The following ZNF529 variants were observed in gnomAD, a reference collection of about 807,000 sequenced individuals.
ZNF529 encodes the protein zinc finger protein 529.
Under a neutral mutation model 10.1 loss-of-function variants are expected in ZNF529, and 11 were observed. The observed-to-expected ratio is 1.09, with a 90% CI of 0.69 to 1.81. ZNF529 has a LOEUF of 1.81. ZNF529 is among the 40% of genes most tolerant of loss of function. The pLI, the probability that ZNF529 is intolerant of heterozygous loss-of-function variation, is 0.00. For synonymous variants in ZNF529, 204 were observed against 215.7 expected (o/e 0.95, Z 0.47); for missense variants, 624 against 666.8 (o/e 0.94, Z 0.71).
intron 2 of ZNF529, among the ~76,000 whole-genome samples, chr19:36,584,782 G>C (rs935232597): frequency 2.7e-5 from 4 of 147,842 alleles, no homozygotes; most frequent in Admixed American, 6.8e-5. Context: ...AAAAAAAAAA[G>C]AAAGAATGTA....
intron 2 of ZNF529, among the ~76,000 whole-genome samples, chr19:36,566,287 T>C (rs773819328): frequency 1.3e-4 from 20 of 152,196 alleles, no homozygotes; most frequent in Non-Finnish European, 5.9e-5. Flanking sequence ...TATTTGTAAA[T>C]GTAAAATATT....
chr19:36,588,395 T>C (rs1265637104), intron 2 of ZNF529, among the ~76,000 whole-genome samples: 9 of 152,188 alleles, frequency 5.9e-5, no homozygotes, highest in Admixed American at 5.9e-4. Context: ...CACTCCCTGC[T>C]GTCTTTGCAT....
At chr19:36,556,234 A>G in intron 2 of ZNF529, 37 bp from the exon 3 acceptor site, 2 of 808,440 alleles carry the variant, frequency 2.5e-6, no homozygotes, top group African/African-American at 1.7e-5. Context: ...ACCACCATTA[A>G]AAGTCTCTGG....
At position 36,572,387 on chromosome 19, in the gene ZNF529, G is replaced by A; in HGVS notation, c.-41C>T. On this transcript the variant is annotated 5_prime_UTR_variant, in exon 2 of 5. Coordinates refer to ENST00000591340, the MANE Select transcript of ZNF529 (RefSeq NM_020951.5). ...CTTCCACTTCAGGGGGCCTTCACTT[G>A]CAGAACTACATAACCAAGAGGGAGA... The A allele has an allele frequency of 1.9e-6, 3 of 1,550,606 alleles. No homozygotes were observed. Among genetic ancestry groups the A allele is most frequent in the Non-Finnish European group, 2.6e-6 (3 of 1,146,466 alleles).
At chr19:36,576,958 C>CTTTTTTTT (rs759716467), upstream of ZNF529, among the ~76,000 whole-genome samples, 2 of 136,042 alleles carry the variant, frequency 1.5e-5, no homozygotes, top group Non-Finnish European at 1.6e-5. Flanking sequence ...TTTCTTTTTT[C>CTTTTTTTT]TTTTTTTTTT....
At position 36,555,978 on chromosome 19, in the gene ZNF529, A is replaced by C. The variant is rs573550464; in HGVS notation, c.108+126T>G. On this transcript the variant is annotated intron_variant, in intron 3 of 4. Transcript: ENST00000591340. ...CACACAGGAGGGACACTGTGCTGTT[A>C]GACTCCAGCCCTTACTAGAAAGCGA... 2,260 of 891,664 alleles carry C rather than the reference A, an allele frequency of 2.5e-3. 6 individuals are homozygous for C. The highest frequency in any genetic ancestry group is 3.4e-3 in the Non-Finnish European group (1,967 of 580,604). 55.2% of individuals were successfully genotyped at this position (891,664 alleles called of 1,614,324 possible).
chr19:36,546,059 G>GTATATATATATATATATATATATA lies in ZNF529; in HGVS notation c.*806_*807insTATATATATATATATATATATATA, dbSNP rs375987417. 1.3e-3 allele frequency: 165 copies of GTATATATATATATATATATATATA among 125,278 alleles called. No homozygotes were observed. Among genetic ancestry groups the GTATATATATATATATATATATATA allele is most frequent in the East Asian group, 2.5e-3 (11 of 4,386 alleles). 7.8% of individuals were successfully genotyped at this position (125,278 alleles called of 1,614,324 possible). Reference sequence around the variant, plus strand: ...ATATACATATATTGTGTGTGTGTGTGTGTATATATATATATATATATAGTG... The same window carrying GTATATATATATATATATATATATA: ...ATATACATATATTGTGTGTGTGTGTGTATATATATATATATATATATATATGTATATATATATATATATATAGTG... On this transcript the variant is annotated 3_prime_UTR_variant, in exon 5 of 5. Coordinates refer to ENST00000591340, the MANE Select transcript of ZNF529 (RefSeq NM_020951.5).
intron 4 of ZNF529, among the ~76,000 whole-genome samples, chr19:36,548,706 A>G (rs1219050014): frequency 6.6e-6 from 1 of 152,246 alleles, no homozygotes; most frequent in African/African-American, 2.4e-5. Flanking sequence ...ACCGAGGATA[A>G]TAACAAGGTG....
rs2036206173 is a variant in ZNF529 at position 36,573,159 on chromosome 19, C to G, written c.-66G>C. On this transcript the variant is annotated 5_prime_UTR_variant, in exon 1 of 5. Transcript: ENST00000591340. ...ACTAACCACCATCGTCCGCAGCTCCCGCGTACAGAGGCCTCAGGCTCCCGG... is the reference window on the plus strand; with the variant it reads ...ACTAACCACCATCGTCCGCAGCTCCGGCGTACAGAGGCCTCAGGCTCCCGG... 1 of 308,642 alleles carries G rather than the reference C, an allele frequency of 3.2e-6. No individual in the cohort carries two copies. The highest frequency in any genetic ancestry group is 6.6e-6 in the Non-Finnish European group (1 of 151,302). The allele number at this position is 308,642 out of a possible 1,614,324, so 19.1% of individuals were successfully genotyped here.
intron 2 of ZNF529, chr19:36,580,566 C>G (rs898863787): frequency 6.6e-6 from 1 of 152,292 alleles, no homozygotes; most frequent in African/African-American, 2.4e-5. Context: ...AATGTTATTA[C>G]ATGACACATG....
chr19:36,590,803 G>A (rs1466455831), intron 1 of ZNF529, among the ~76,000 whole-genome samples: 6 of 151,476 alleles, frequency 4.0e-5, no homozygotes, highest in African/African-American at 1.2e-4. Flanking sequence ...GGTGGCATGC[G>A]CCTGTAGTCC....
chr19:36,556,119 A>C lies in ZNF529; in HGVS notation c.93T>G (p.Val31=), dbSNP rs1405620523. 1 of 1,551,048 alleles carries C rather than the reference A, an allele frequency of 6.4e-7. No homozygotes were observed. Among genetic ancestry groups the C allele is most frequent in the South Asian group, 1.2e-5 (1 of 84,052 alleles). The change falls in exon 3 of 5, where the codon GTT becomes GTG. Residue 31 remains valine, a synonymous_variant. Coordinates refer to ENST00000591340, the MANE Select transcript of ZNF529 (RefSeq NM_020951.5). ...GTTAACTTACATGGTCCATGGTTAG[A>C]ACTGTAAAGAATTGGTCAGGGAATT... ...EVEFPDQFFT[V]LTMDHELVTL... is the part of the protein sequence containing the mutation.
intron 2 of ZNF529, among the ~76,000 whole-genome samples, chr19:36,579,313 G>T (rs3108600): frequency 6.6e-6 from 1 of 152,078 alleles, no homozygotes; most frequent in Non-Finnish European, 1.5e-5. Flanking sequence ...CATGGCTATA[G>T]TAGTATCAGA....
intron 1 of ZNF529, among the ~76,000 whole-genome samples, chr19:36,590,661 G>A (rs73034176): frequency 0.18 from 27,232 of 152,104 alleles, 2,630 homozygotes; most frequent in Non-Finnish European, 0.22. Context: ...TGGGCATGAC[G>A]GCTCATGCCT....
chr19:36,556,079 A>C, intron 3 of ZNF529, 25 bp downstream of exon 3: 1 of 1,547,534 alleles, frequency 6.5e-7, no homozygotes, highest in Non-Finnish European at 8.7e-7. Context: ...AAATATCACA[A>C]AGAAAAGAGA....
intron 2 of ZNF529, among the ~76,000 whole-genome samples, chr19:36,570,669 T>C (rs1354240158): frequency 2.0e-5 from 3 of 152,238 alleles, no homozygotes; most frequent in Non-Finnish European, 4.4e-5. Flanking sequence ...TTCTCGCAAA[T>C]CATTGAACCT....
chr19:36,549,034 C>T (rs2035162618), intron 4 of ZNF529, among the ~76,000 whole-genome samples: 1 of 152,148 alleles, frequency 6.6e-6, no homozygotes, highest in Admixed American at 6.5e-5. Context: ...ACGCATTCTC[C>T]TAATCATTTT....
In ZNF529 at chr19:36,556,184, G is replaced by T; in HGVS notation, c.28C>A (p.His10Asn). The T allele has an allele frequency of 8.5e-7, 1 of 1,178,674 alleles. No individual in the cohort carries two copies. Among genetic ancestry groups the T allele is most frequent in the Non-Finnish European group, 1.2e-6 (1 of 806,152 alleles). The allele number at this position is 1,178,674 out of a possible 1,614,324, so 73.0% of individuals were successfully genotyped here. Residue 10 changes from histidine to asparagine, a missense_variant, in exon 3 of 5, where the codon CAT becomes AAT. Physicochemically the swap from His to Asn is moderately conservative, Grantham distance 68 (BLOSUM62 1). Coordinates refer to ENST00000591340, the MANE Select transcript of ZNF529 (RefSeq NM_020951.5). MANSSFIGD[H>N]VHGAPHAVMP... ...ACAGCATGAGGAGCTCCATGGACAT[G>T]ATCCCCAATGAAACTGTAAAAATTA...
Position 36,573,207 on chromosome 19 carries a change from C to G in ZNF529, c.-114G>C. ...CGGCTCCACGTGGACCGACCTCGCC[C>G]GGCAGCGCGGGGCCACCTCACCGCG... is the stretch of plus-strand genomic sequence containing the variant. On this transcript the variant is annotated 5_prime_UTR_variant, in exon 1 of 5. Transcript: ENST00000591340. 3.1e-6 allele frequency: 1 copy of G among 326,798 alleles called. No homozygotes were observed. The highest frequency in any genetic ancestry group is 2.3e-5 in the South Asian group (1 of 42,688). The allele number at this position is 326,798 out of a possible 1,614,324, so 20.2% of individuals were successfully genotyped here.
Sources: gnomAD v4.1 joint callset for allele counts (sites outside exome capture counted in the v4.1 genomes callset) on GRCh38, gnomAD v4.1.1 for gene constraint, MANE v1.5 for transcripts, NCBI Gene and HGNC (gene_info 2026-07-23, HGNC 2026-07-21) for gene names.